The following XYLT1 variants were observed in gnomAD, a reference collection of about 807,000 sequenced individuals.
XYLT1 encodes xylosyltransferase 1.
A neutral mutation model predicts 91.3 loss-of-function variants in XYLT1; 36 were observed. The observed-to-expected ratio is 0.39, with a 90% CI of 0.30 to 0.52. The LOEUF (loss-of-function observed/expected upper bound fraction) is 0.52, where lower values mean the gene tolerates loss of function less well. Ranked by LOEUF, XYLT1 falls within the 20% of genes least tolerant of loss-of-function variation. The probability of loss-of-function intolerance (pLI) is 0.68; values close to 1 mark genes in which losing one functional copy is unlikely to be tolerated. For synonymous variants in XYLT1, 588 were observed against 532.0 expected (o/e 1.11, Z -1.45); for missense variants, 1,242 against 1,284.5 (o/e 0.97, Z 0.51).
At chr16:17,295,892 T>C (rs150943131) in intron 2 of XYLT1, among the ~76,000 whole-genome samples, 6 of 152,344 alleles carry the variant, frequency 3.9e-5, no homozygotes, top group African/African-American at 1.4e-4. Flanking sequence ...CTCTGGCTTT[T>C]GCTCTGAATG....
rs764915640 is a variant in XYLT1, at chr16:17,198,406, A to G, written c.1095T>C (p.Asn365=). ...FYYIHVDKRS[N]YLHRQVLQVS... The stretch of plus-strand genomic sequence containing the variant: ...CCTGGAGCACTTGCCGATGCAGGTA[A>G]TTAGAGCGCTTTTCCCAGGAGAGAA... Residue 365 remains asparagine (N), a synonymous_variant, in exon 5 of 12, where the codon AAT becomes AAC. Coordinates refer to ENST00000261381, the MANE Select transcript of XYLT1 (RefSeq NM_022166.4). The G allele has an allele frequency of 6.8e-6, 11 of 1,613,952 alleles. No homozygotes were observed. Among genetic ancestry groups the G allele is most frequent in the Non-Finnish European group, 9.3e-6 (11 of 1,179,952 alleles).
intron 2 of XYLT1, among the ~76,000 whole-genome samples, chr16:17,311,740 T>C (rs1444598208): frequency 1.3e-5 from 2 of 149,868 alleles, no homozygotes; most frequent in Admixed American, 1.3e-4. Flanking sequence ...GGGTAATTTA[T>C]TAAGAAAAAT....
At chr16:17,169,655 G>A (rs2031778765) in intron 5 of XYLT1, among the ~76,000 whole-genome samples, 1 of 150,552 alleles carries the variant, frequency 6.6e-6, no homozygotes, top group Non-Finnish European at 1.5e-5. Context: ...CATTCTGCTT[G>A]GTGGGTTGGG....
rs539117210 is a variant in XYLT1 at position 17,393,965 on chromosome 16, C to T, written c.364-35915G>A. On this transcript the variant is annotated intron_variant, in intron 1 of 11. Transcript: ENST00000261381. ...TAATTTTTTCTATTTTTAGTAGAGA[C>T]GGAGTTTCACCGTGTTAGCCAGGAT... Among the ~76,000 whole-genome samples the T allele has an allele frequency of 1.0e-3, 156 of 152,014 alleles. 1 individual carries two copies. The highest frequency in any genetic ancestry group is 3.6e-3 in the African/African-American group (151 of 41,466).
intron 2 of XYLT1, among the ~76,000 whole-genome samples, chr16:17,322,291 C>A (rs1375579009): frequency 6.6e-6 from 1 of 152,174 alleles, no homozygotes; most frequent in Non-Finnish European, 1.5e-5. Flanking sequence ...CAGCTCACAC[C>A]TCCTAAGCCT....
At chr16:17,279,509 C>A (rs1234759614) in intron 2 of XYLT1, among the ~76,000 whole-genome samples, 2 of 152,160 alleles carry the variant, frequency 1.3e-5, no homozygotes, top group Non-Finnish European at 2.9e-5. Context: ...CAACACAGCC[C>A]CTTCAAGTCC....
At chr16:17,221,139 G>A (rs79104408) in intron 3 of XYLT1, among the ~76,000 whole-genome samples, 19,310 of 151,792 alleles carry the variant, frequency 0.13, 1,509 homozygotes, top group Admixed American at 0.25. Context: ...TGGGGTCCTC[G>A]TCCCTCTCCG....
chr16:17,277,226 T>C (rs1269826004), intron 2 of XYLT1, among the ~76,000 whole-genome samples: 1 of 152,184 alleles, frequency 6.6e-6, no homozygotes, highest in African/African-American at 2.4e-5. Flanking sequence ...AACTTTTATT[T>C]TAGATTCTGG....
At chr16:17,262,069 T>C (rs79704740) in intron 2 of XYLT1, among the ~76,000 whole-genome samples, 3,217 of 152,308 alleles carry the variant, frequency 0.021, 114 homozygotes, top group African/African-American at 0.072. Flanking sequence ...AGGCGCATTT[T>C]CTGAGCTCTT....
At chr16:17,248,508 C>T (rs994598588) in intron 3 of XYLT1, among the ~76,000 whole-genome samples, 1 of 152,124 alleles carries the variant, frequency 6.6e-6, no homozygotes, top group Non-Finnish European at 1.5e-5. Context: ...ACAACTTGGC[C>T]TACGAGCAGA....
rs1491005740 is a variant in XYLT1 at position 17,337,779 on chromosome 16, TTC to T, written c.402+20231_402+20232del. Among the ~76,000 whole-genome samples the T allele has an allele frequency of 6.7e-5, 9 of 135,220 alleles. 2 individuals are homozygous for T. Among genetic ancestry groups the T allele is most frequent in the Admixed American group, 1.4e-4 (2 of 13,946 alleles). 88.7% of individuals were successfully genotyped at this position (135,220 alleles called of 152,430 possible). On this transcript the variant is annotated intron_variant, in intron 2 of 11. Coordinates refer to ENST00000261381, the MANE Select transcript of XYLT1 (RefSeq NM_022166.4). Reference sequence around the variant, plus strand: ...TTTGTCTGTTCCACATTTTTTCTTTTTCTTTTTTTTTTTTTTTGTGAGACAGA... The same window carrying T: ...TTTGTCTGTTCCACATTTTTTCTTTTTTTTTTTTTTTTTTTGTGAGACAGA...
At chr16:17,163,549 T>G (rs1356482634) in intron 5 of XYLT1, among the ~76,000 whole-genome samples, 1 of 152,178 alleles carries the variant, frequency 6.6e-6, no homozygotes, top group African/African-American at 2.4e-5. Flanking sequence ...CCTTCCCGAC[T>G]GCAGGATACT....
At chr16:17,368,180 C>T (rs1389880129) in intron 1 of XYLT1, among the ~76,000 whole-genome samples, 1 of 152,148 alleles carries the variant, frequency 6.6e-6, no homozygotes, top group Non-Finnish European at 1.5e-5. Flanking sequence ...GAGTGGAGAG[C>T]TTTGCAGTCC....
At chr16:17,391,854 A>T (rs1258720889) in intron 1 of XYLT1, among the ~76,000 whole-genome samples, 1 of 152,148 alleles carries the variant, frequency 6.6e-6, no homozygotes, top group Non-Finnish European at 1.5e-5. Flanking sequence ...TGGTTTTATA[A>T]GGGGTGGTTC....
intron 2 of XYLT1, among the ~76,000 whole-genome samples, chr16:17,274,657 T>C (rs1298966319): frequency 2.0e-5 from 3 of 152,040 alleles, no homozygotes; most frequent in African/African-American, 4.8e-5. Context: ...CCAAGGAGAA[T>C]GGAGGAGACT....
At chr16:17,269,703 C>A (rs1156419598) in intron 2 of XYLT1, among the ~76,000 whole-genome samples, 3 of 152,064 alleles carry the variant, frequency 2.0e-5, no homozygotes, top group African/African-American at 7.2e-5. Context: ...CATAGACCAA[C>A]CCTCCCTTCC....
chr16:17,197,983 T>C, intron 5 of XYLT1: 1 of 591,606 alleles, frequency 1.7e-6, no homozygotes, highest in Non-Finnish European at 3.0e-6. Context: ...TTTAGTGCAC[T>C]GGCATATCAG....
chr16:17,401,167 C>T (rs2035964305), intron 1 of XYLT1, among the ~76,000 whole-genome samples: 1 of 152,140 alleles, frequency 6.6e-6, no homozygotes, highest in East Asian at 1.9e-4. Context: ...GAGATGATAG[C>T]ACATAGGGAC....
At chr16:17,400,615 G>T (rs2035951745) in intron 1 of XYLT1, among the ~76,000 whole-genome samples, 1 of 136,194 alleles carries the variant, frequency 7.3e-6, no homozygotes, top group Non-Finnish European at 1.6e-5. Flanking sequence ...GAGGGAGGGA[G>T]GGAGGGAGGA....
Sources: allele counts gnomAD v4.1 joint callset (sites outside exome capture counted in the v4.1 genomes callset), GRCh38; gene constraint gnomAD v4.1.1; transcripts MANE v1.5; gene names NCBI Gene and HGNC (gene_info 2026-07-23, HGNC 2026-07-21).